The following GPR89A variants were observed in gnomAD, a reference collection of about 807,000 sequenced individuals.
GPR89A encodes golgi pH regulator A.
A neutral mutation model predicts 52.0 loss-of-function variants in GPR89A; 16 were observed. The ratio of observed to expected loss-of-function variants is 0.31; its 90% CI spans 0.21 to 0.47. The LOEUF is 0.47. Ranked by LOEUF, GPR89A falls within the 20% of genes least tolerant of loss-of-function variation. The probability of loss-of-function intolerance (pLI) is 1.00; values close to 1 mark genes in which losing one functional copy is unlikely to be tolerated. For synonymous variants in GPR89A, 55 were observed against 150.9 expected (o/e 0.36, Z 4.66); for missense variants, 135 against 449.4 (o/e 0.30, Z 6.33).
At chr1:145,658,593 C>T (rs1289380751) in intron 10 of GPR89A, among the ~76,000 whole-genome samples, 1 of 145,400 alleles carries the variant, frequency 6.9e-6, no homozygotes, top group East Asian at 2.0e-4. Context: ...TGTGCCACCA[C>T]ACTCCAGCAG....
At chr1:145,646,990 C>T in intron 9 of GPR89A, 185 bp from the exon 10 acceptor site, 1 of 681,104 alleles carries the variant, frequency 1.5e-6, no homozygotes, top group Non-Finnish European at 2.5e-6. Context: ...ATGTTTATCC[C>T]AGTCTCTAGC....
intron 5 of GPR89A, among the ~76,000 whole-genome samples, chr1:145,629,107 CT>C (rs1476844222): frequency 6.6e-6 from 1 of 152,112 alleles, no homozygotes; most frequent in African/African-American, 2.4e-5. Flanking sequence ...GCTTACCCCC[CT>C]GGCAGAAAAC....
At chr1:145,649,374 T>C (rs1471507769) in intron 10 of GPR89A, among the ~76,000 whole-genome samples, 1 of 152,080 alleles carries the variant, frequency 6.6e-6, no homozygotes, top group Non-Finnish European at 1.5e-5. Flanking sequence ...TTTTCTAGAA[T>C]GTTATGTAAG....
intron 11 of GPR89A, 127 bp from the exon 12 acceptor site, chr1:145,665,432 TAAG>T (rs1652489347): frequency 1.8e-5 from 22 of 1,210,254 alleles, no homozygotes; most frequent in Non-Finnish European, 2.7e-5. Flanking sequence ...CTCTCTCCCT[TAAG>T]AAAAAAAATC....
intron 1 of GPR89A, among the ~76,000 whole-genome samples, chr1:145,613,244 G>A (rs1184004592): frequency 6.7e-6 from 1 of 150,330 alleles, no homozygotes; most frequent in Non-Finnish European, 1.5e-5. Flanking sequence ...ATATAAATTG[G>A]GTAGCTTCAC....
intron 5 of GPR89A, among the ~76,000 whole-genome samples, chr1:145,628,266 G>A (rs1649647705): frequency 6.6e-6 from 1 of 152,132 alleles, no homozygotes; most frequent in South Asian, 2.1e-4. Context: ...ATGAAAGTGA[G>A]AACTCTGGTC....
At chr1:145,625,839 C>T (rs1649459964) in intron 5 of GPR89A, among the ~76,000 whole-genome samples, 1 of 150,446 alleles carries the variant, frequency 6.6e-6, no homozygotes, top group Non-Finnish European at 1.5e-5. Context: ...TTCATGTTTC[C>T]TTTTCTAACT....
intron 7 of GPR89A, among the ~76,000 whole-genome samples, chr1:145,640,863 A>G (rs1199190691): frequency 2.0e-5 from 3 of 151,134 alleles, no homozygotes; most frequent in Non-Finnish European, 2.9e-5. Context: ...AATGATGAAC[A>G]TTTTATTGTA....
In GPR89A at chr1:145,616,263, C is replaced by G; in HGVS notation, c.72C>G (p.Phe24Leu). ...TATTTTTTGGATTTGGGTGGCTTTT[C>G]TTCATGCGCCAATTGTTTAAAGACT... ...QILFFGFGWL[F>L]FMRQLFKDYE... Residue 24 changes from phenylalanine to leucine, a missense_variant, in exon 2 of 14, where the codon TTC becomes TTG. By Grantham distance (22) the Phe-to-Leu change is conservative. This residue lies in a region of GPR89A where 38 missense variants were observed against 40.2 expected (regional missense o/e 0.95). Coordinates refer to ENST00000313835, the MANE Select transcript of GPR89A (RefSeq NM_001097612.2). The G allele has an allele frequency of 6.2e-7, 1 of 1,610,920 alleles. No individual in the cohort carries two copies.
At chr1:145,608,460 G>A in intron 1 of GPR89A, 1 of 624,338 alleles carries the variant, frequency 1.6e-6, no homozygotes, top group Non-Finnish European at 2.8e-6. Flanking sequence ...CTAAGAGCCG[G>A]CGCCGCCAGC....
chr1:145,652,402 A>G (rs1200381143), intron 10 of GPR89A, among the ~76,000 whole-genome samples: 3 of 150,452 alleles, frequency 2.0e-5, no homozygotes, highest in African/African-American at 4.9e-5. Context: ...GTTTGCCAGT[A>G]TTTTATTGAG....
intron 7 of GPR89A, among the ~76,000 whole-genome samples, chr1:145,636,612 G>A (rs1650256315): frequency 6.6e-6 from 1 of 152,066 alleles, no homozygotes; most frequent in Admixed American, 6.5e-5. Flanking sequence ...ATAGGAGGAA[G>A]AAATATATTC....
chr1:145,642,683 A>G (rs1383707569), intron 7 of GPR89A, among the ~76,000 whole-genome samples: 1 of 151,826 alleles, frequency 6.6e-6, no homozygotes, highest in East Asian at 1.9e-4. Flanking sequence ...GCTCTTCACC[A>G]TTTTTATCTT....
At chr1:145,647,831 TCTCTCTCTCTCTCCTCCTC>T (rs1651128115) in intron 10 of GPR89A, among the ~76,000 whole-genome samples, 2 of 29,456 alleles carry the variant, frequency 6.8e-5, no homozygotes, top group African/African-American at 3.4e-4. Flanking sequence ...TCGTCGACTC[TCTCTCTCTCTCTCCTCCTC>T]CTCTCTCTCT....
At chr1:145,639,719 C>T (rs587740340) in intron 7 of GPR89A, among the ~76,000 whole-genome samples, 1 of 149,486 alleles carries the variant, frequency 6.7e-6, no homozygotes, top group African/African-American at 2.5e-5. Context: ...TGCCCTCCAG[C>T]CTGGGTGACA....
intron 5 of GPR89A, among the ~76,000 whole-genome samples, chr1:145,624,560 A>G (rs1553688715): frequency 1.3e-5 from 2 of 151,506 alleles, no homozygotes; most frequent in Admixed American, 1.3e-4. Flanking sequence ...CGTACCTATT[A>G]CTAGGCTTCT....
chr1:145,643,264 C>G (rs1385497181), intron 7 of GPR89A, among the ~76,000 whole-genome samples: 1 of 151,598 alleles, frequency 6.6e-6, no homozygotes, highest in Non-Finnish European at 1.5e-5. Context: ...CTCCTAGGTT[C>G]AAGCGATTCT....
intron 11 of GPR89A, among the ~76,000 whole-genome samples, chr1:145,663,842 T>C (rs1212093422): frequency 6.6e-5 from 10 of 151,954 alleles, no homozygotes; most frequent in Admixed American, 3.3e-4. Flanking sequence ...AGCTACTAAT[T>C]AGTGTTCTGT....
At chr1:145,668,052 C>T (rs1288754430) in intron 12 of GPR89A, among the ~76,000 whole-genome samples, 30 of 152,068 alleles carry the variant, frequency 2.0e-4, no homozygotes, top group Non-Finnish European at 2.8e-4. Flanking sequence ...CTTGGCAATG[C>T]GGGCTCTTTT....
Sources: gnomAD v4.1 joint callset for allele counts (sites outside exome capture counted in the v4.1 genomes callset) on GRCh38, gnomAD v4.1.1 for gene constraint, gnomAD v4.1.1 regional missense constraint, MANE v1.5 for transcripts, NCBI Gene and HGNC (gene_info 2026-07-23, HGNC 2026-07-21) for gene names.